ATP8B2: variants seen among roughly 807,000 people sequenced by gnomAD.
ATP8B2 encodes the protein ATPase phospholipid transporting 8B2, also known as phospholipid-transporting ATPase ID.
A neutral mutation model predicts 133.4 loss-of-function variants in ATP8B2; 70 were observed. The observed-to-expected ratio is 0.52, with a 90% CI of 0.43 to 0.64. The LOEUF is 0.64. ATP8B2 is among the 30% of genes least tolerant of loss of function. ATP8B2 has a pLI of 0.00. For missense variants in ATP8B2, 1,101 were observed against 1,535.7 expected (o/e 0.72, Z 4.73); for synonymous variants, 517 against 589.5 (o/e 0.88, Z 1.78).
At chr1:154,325,883 G>T (rs1250582456) in intron 1 of ATP8B2, among the ~76,000 whole-genome samples, 181 bp downstream of exon 1, 4 of 152,242 alleles carry the variant, frequency 2.6e-5, no homozygotes, top group African/African-American at 7.2e-5. Flanking sequence ...GACTGGAGAC[G>T]AGGGGCTGTC....
Position 154,344,142 on chromosome 1 carries a change from G to A in ATP8B2, c.1924-1G>A. ...GCCAGGAATCCTTGTGGTATTTTCA[G>A]CTGCTGGGTGCAACGGCCATTGAGG... On this transcript the variant is annotated splice_acceptor_variant, in intron 18 of 27. Transcript: ENST00000368489. LOFTEE classifies it high-confidence loss of function. The surrounding 1 kb of genome is among the most constrained non-coding windows in gnomAD (Gnocchi z 4.1). 1 of 1,614,238 alleles carries A rather than the reference G, an allele frequency of 6.2e-7. No individual in the cohort carries two copies. Among genetic ancestry groups the A allele is most frequent in the Non-Finnish European group, 8.5e-7 (1 of 1,180,044 alleles).
Position 154,341,006 on chromosome 1 carries a change from C to T in ATP8B2, c.1187C>T (p.Thr396Ile), listed in dbSNP as rs760127285. 1 of 1,614,178 alleles carries T rather than the reference C, an allele frequency of 6.2e-7. No individual in the cohort carries two copies. The highest frequency in any genetic ancestry group is 1.1e-5 in the South Asian group (1 of 91,080). The change falls in exon 13 of 28, where the codon ACC becomes ATC. Residue 396 changes from threonine to isoleucine, a missense_variant. Thr to Ile is a moderately conservative substitution (Grantham distance 89, BLOSUM62 -1). Coordinates refer to ENST00000368489, the MANE Select transcript of ATP8B2 (RefSeq NM_001370597.1). ...TACATCTTCTCCGACAAGACGGGCA[C>T]CCTCACCCAGAACATCATGGTTTTC... ...VEYIFSDKTG[T>I]LTQNIMVFNK...
At chr1:154,348,349 G>A in intron 26 of ATP8B2, 59 bp from the exon 27 acceptor site, 1 of 1,542,682 alleles carries the variant, frequency 6.5e-7, no homozygotes. Flanking sequence ...TGCCAGAAAT[G>A]GGAACGGGGA....
At position 154,329,000 on chromosome 1, in the gene ATP8B2, AAGG is replaced by A; in HGVS notation, c.31+831_31+833del. On this transcript the variant is annotated intron_variant, in intron 2 of 27. Coordinates refer to ENST00000368489, the MANE Select transcript of ATP8B2 (RefSeq NM_001370597.1). This position sits in a 1 kb window ranked among gnomAD's most constrained non-coding sequence, Gnocchi z 4.6. ...TCAAACCGGGATCATGACGGTCCCC[AAGG>A]AGATGCCCGAGAAGTGGGCCCGGGC... The A allele has an allele frequency of 7.7e-7, 1 of 1,303,996 alleles. No homozygotes were observed. The highest frequency in any genetic ancestry group is 5.6e-5 in the East Asian group (1 of 17,982). The allele number at this position is 1,303,996 out of a possible 1,614,324, so 80.8% of individuals were successfully genotyped here. A position where few individuals can be genotyped will look rare whatever the true frequency, so the allele number is the denominator to read the frequency against.
chr1:154,342,599 T>C, intron 14 of ATP8B2, 76 bp downstream of exon 14: 1 of 1,512,932 alleles, frequency 6.6e-7, no homozygotes, highest in Non-Finnish European at 9.2e-7. Flanking sequence ...TCAGGAGTGA[T>C]GTGTTGTCTG....
chr1:154,350,138 A>G lies in ATP8B2; in HGVS notation c.*1020A>G, dbSNP rs953902613. 2 of 151,640 alleles carry G rather than the reference A, an allele frequency of 1.3e-5. No homozygotes were observed. Among genetic ancestry groups the G allele is most frequent in the African/African-American group, 4.9e-5 (2 of 41,198 alleles). The allele number at this position is 151,640 out of a possible 1,614,324, so 9.4% of individuals were successfully genotyped here. A position where few individuals can be genotyped will look rare whatever the true frequency, so the allele number is the denominator to read the frequency against. On this transcript the variant is annotated 3_prime_UTR_variant, in exon 28 of 28. Coordinates refer to ENST00000368489, the MANE Select transcript of ATP8B2 (RefSeq NM_001370597.1). ...ACCTAGGCAAGAGTGCAATGGCACA[A>G]TCTCAGCTCACTGCAACCTCCACCT...
In ATP8B2 at chr1:154,343,893, G is replaced by T; in HGVS notation, c.1759G>T (p.Glu587Ter). ...GTGTGCCTTTCCACTCTGCCTCCAG[G>T]AGTACGCAGGGGAAGGGCTGAGGAC... ...LLNTTMDHLN[E>*]YAGEGLRTLV... The change falls in exon 18 of 28, where the codon GAG (glutamate) becomes TAG (stop). Residue 587 changes from glutamate to a stop codon, truncating the protein, a stop_gained and splice_region_variant. Transcript: ENST00000368489. LOFTEE classifies it high-confidence loss of function. This position sits in a 1 kb window ranked among gnomAD's most constrained non-coding sequence, Gnocchi z 5.8. 6.2e-7 allele frequency: 1 copy of T among 1,606,786 alleles called. No individual in the cohort carries two copies. The highest frequency in any genetic ancestry group is 8.5e-7 in the Non-Finnish European group (1 of 1,176,494).
At position 154,346,353 on chromosome 1, in the gene ATP8B2, C is replaced by T. The variant is rs1441187936; in HGVS notation, c.2901C>T (p.Leu967=). ...CCCAGGGCATCTACACCTCCGTGCT[C>T]ATGTTCTTCATTCCCTATGGGGTGT... ...CIAQGIYTSV[L]MFFIPYGVFA... is the part of the protein sequence containing the mutation. Residue 967 remains leucine (L), a synonymous_variant, in exon 25 of 28, where the codon CTC becomes CTT. Transcript: ENST00000368489. The surrounding 1 kb of genome is among the most constrained non-coding windows in gnomAD (Gnocchi z 4.5). 3 of 1,614,082 alleles carry T rather than the reference C, an allele frequency of 1.9e-6. No homozygotes were observed. The highest frequency in any genetic ancestry group is 1.3e-5 in the African/African-American group (1 of 74,918).
In ATP8B2 at chr1:154,344,555, G is replaced by A; in HGVS notation, c.2141+55G>A. ...TGTGCGTTGTGCCCAGGGCTCAGGTGGGGGTTTCTGGACCATTTAGACTTG... is the reference window on the plus strand; with the variant it reads ...TGTGCGTTGTGCCCAGGGCTCAGGTAGGGGTTTCTGGACCATTTAGACTTG... On this transcript the variant is annotated intron_variant, in intron 20 of 27. Transcript: ENST00000368489. The surrounding 1 kb of genome is among the most constrained non-coding windows in gnomAD (Gnocchi z 4.1). The A allele has an allele frequency of 1.2e-6, 2 of 1,612,992 alleles. No individual in the cohort carries two copies. Among genetic ancestry groups the A allele is most frequent in the East Asian group, 2.2e-5 (1 of 44,860 alleles).
Position 154,328,669 on chromosome 1 carries a change from C to T in ATP8B2, c.31+497C>T, listed in dbSNP as rs866666087. 4.0e-5 allele frequency: 25 copies of T among 628,822 alleles called. No individual in the cohort carries two copies. In the South Asian group the frequency reaches 1.3e-3, roughly 32 times the overall value. 39.0% of individuals were successfully genotyped at this position (628,822 alleles called of 1,614,324 possible). Reference sequence around the variant, plus strand: ...AGCTTTCGCCTACGCGGCGCGCTGGCAGGCTGCGGCTCCTGCAGTCGGGGA... The same window carrying T: ...AGCTTTCGCCTACGCGGCGCGCTGGTAGGCTGCGGCTCCTGCAGTCGGGGA... On this transcript the variant is annotated intron_variant, in intron 2 of 27. Coordinates refer to ENST00000368489, the MANE Select transcript of ATP8B2 (RefSeq NM_001370597.1). This position sits in a 1 kb window ranked among gnomAD's most constrained non-coding sequence, Gnocchi z 4.6.
At chr1:154,330,732 G>T (rs1329022231) in intron 3 of ATP8B2, 83 bp from the exon 4 acceptor site, 2 of 1,191,586 alleles carry the variant, frequency 1.7e-6, no homozygotes, top group Admixed American at 3.6e-5. Context: ...GTCTGGGGAA[G>T]TATAAAGATG....
rs1014042419 is a variant in ATP8B2, at chr1:154,349,766, T to C, written c.*648T>C. On this transcript the variant is annotated 3_prime_UTR_variant, in exon 28 of 28. Transcript: ENST00000368489. ...CTGTGGGGTGGTTTGGGAGGATCCA[T>C]GTCGGCTCTGCCTGCAGTGACCAGT... is the stretch of plus-strand genomic sequence containing the variant. 3.9e-5 allele frequency: 6 copies of C among 153,992 alleles called. No homozygotes were observed. The highest frequency in any genetic ancestry group is 3.9e-4 in the Admixed American group (6 of 15,464). 9.5% of individuals were successfully genotyped at this position (153,992 alleles called of 1,614,324 possible).
chr1:154,345,637 G>T lies in ATP8B2; in HGVS notation c.2694+92G>T. ...TTATCACTCAGTCCCCCAGGGCCTA[G>T]CTATTTTCTGGTACATACTCTTAAA... On this transcript the variant is annotated intron_variant, in intron 23 of 27. Transcript: ENST00000368489. This position sits in a 1 kb window ranked among gnomAD's most constrained non-coding sequence, Gnocchi z 5.6. 2 of 1,360,982 alleles carry T rather than the reference G, an allele frequency of 1.5e-6. No individual in the cohort carries two copies. Among genetic ancestry groups the T allele is most frequent in the Non-Finnish European group, 1.0e-6 (1 of 975,072 alleles). 84.3% of individuals were successfully genotyped at this position (1,360,982 alleles called of 1,614,324 possible). A position where few individuals can be genotyped will look rare whatever the true frequency, so the allele number is the denominator to read the frequency against.
chr1:154,326,822 C>T (rs1685807803), intron 1 of ATP8B2, among the ~76,000 whole-genome samples: 2 of 152,214 alleles, frequency 1.3e-5, no homozygotes, highest in African/African-American at 2.4e-5. Flanking sequence ...GTGATGCCCA[C>T]TCTTGCATCC....
Position 154,340,956 on chromosome 1 carries a change from A to G in ATP8B2, c.1137A>G (p.Leu379=). 1 of 1,614,154 alleles carries G rather than the reference A, an allele frequency of 6.2e-7. No individual in the cohort carries two copies. The highest frequency in any genetic ancestry group is 1.1e-5 in the South Asian group (1 of 91,074). Residue 379 remains leucine (L), a synonymous_variant, in exon 13 of 28, where the codon CTA becomes CTG. Coordinates refer to ENST00000368489, the MANE Select transcript of ATP8B2 (RefSeq NM_001370597.1). The surrounding 1 kb of genome is among the most constrained non-coding windows in gnomAD (Gnocchi z 4.0). ...RTPAEARTTT[L]NEELGQVEYI... Reference sequence around the variant, plus strand: ...CTGCAGAAGCCCGCACCACCACCCTAAACGAGGAGCTGGGCCAGGTGGAGT... The same window carrying G: ...CTGCAGAAGCCCGCACCACCACCCTGAACGAGGAGCTGGGCCAGGTGGAGT...
chr1:154,344,782 C>G lies in ATP8B2; in HGVS notation c.2283C>G (p.Ser761Arg), dbSNP rs746629996. The change falls in exon 21 of 28, where the codon AGC becomes AGG. Residue 761 changes from serine (S) to arginine (R), a missense_variant. Physicochemically the swap from Ser to Arg is moderately radical, Grantham distance 110. Coordinates refer to ENST00000368489, the MANE Select transcript of ATP8B2 (RefSeq NM_001370597.1). The surrounding 1 kb of genome is among the most constrained non-coding windows in gnomAD (Gnocchi z 4.1). ...ACGCCCTGGTCATAAATGGTCACAG[C>G]CTGGTAGGCATCGCTATCCTTAGCT... ...GEYALVINGH[S>R]LAHALEADME... is the part of the protein sequence containing the mutation. The G allele has an allele frequency of 1.3e-6, 2 of 1,596,204 alleles. No homozygotes were observed. Among genetic ancestry groups the G allele is most frequent in the East Asian group, 4.5e-5 (2 of 44,358 alleles).
intron 26 of ATP8B2, among the ~76,000 whole-genome samples, chr1:154,347,562 T>C (rs562667143): frequency 6.6e-6 from 1 of 152,038 alleles, no homozygotes; most frequent in South Asian, 2.1e-4. Flanking sequence ...AATGGGAGAC[T>C]AGGAGGTGAG....
rs376807782 is a variant in ATP8B2 at position 154,345,307 on chromosome 1, C to T, written c.2471-15C>T. On this transcript the variant is annotated splice_polypyrimidine_tract_variant and intron_variant, in intron 22 of 27. Coordinates refer to ENST00000368489, the MANE Select transcript of ATP8B2 (RefSeq NM_001370597.1). This position sits in a 1 kb window ranked among gnomAD's most constrained non-coding sequence, Gnocchi z 5.6. ...GTGGCCATCTTCACCCTCTTGTCAT[C>T]TCTTGTCTCTGCAGCGGCTCACATT... 163 of 1,613,620 alleles carry T rather than the reference C, an allele frequency of 1.0e-4. No individual in the cohort carries two copies. Among genetic ancestry groups the T allele is most frequent in the Middle Eastern group, 1.7e-4 (1 of 5,772 alleles).
intron 12 of ATP8B2, chr1:154,338,859 G>A (rs956226085): frequency 6.6e-6 from 1 of 152,210 alleles, no homozygotes; most frequent in East Asian, 1.9e-4. Context: ...GCTTTAGGAA[G>A]TATTGACTGG....
Sources: gnomAD v4.1 joint callset for allele counts (sites outside exome capture counted in the v4.1 genomes callset) on GRCh38, gnomAD v4.1.1 for gene constraint, Gnocchi (gnomAD v3.1) non-coding constraint, MANE v1.5 for transcripts, NCBI Gene and HGNC (gene_info 2026-07-23, HGNC 2026-07-21) for gene names.